PABIR3: variants seen among roughly 807,000 people sequenced by gnomAD.
PABIR3 encodes PABIR family member 3.
Under a neutral mutation model 23.1 loss-of-function variants are expected in PABIR3, and 20 were observed. The ratio of observed to expected loss-of-function variants is 0.86; its 90% CI spans 0.61 to 1.26. The LOEUF is 1.26. Ranked by LOEUF, PABIR3 falls within the 50% of genes most tolerant of loss-of-function variation. PABIR3 has a pLI of 0.00. For missense variants in PABIR3, 189 were observed against 195.4 expected (o/e 0.97, Z 0.20); for synonymous variants, 69 against 68.5 (o/e 1.01, Z -0.04).
the PABIR3 span, among the ~76,000 whole-genome samples, chrX:134,862,116 G>A: frequency 1.7e-3 from 152 of 90,706 alleles, no homozygotes; most frequent in Non-Finnish European, 2.5e-3. Context: ...ATGGGATCTC[G>A]TTTTTGTTTT....
chrX:134,821,296 T>G, intron 3 of PABIR3: 1 of 1,109,489 alleles, frequency 9.0e-7, no homozygotes, highest in Non-Finnish European at 1.2e-6. Context: ...TTTGTTTAAT[T>G]AAGTGCAAAT....
At chrX:134,843,317 G>A (rs1260219497) in intron 4 of PABIR3, among the ~76,000 whole-genome samples, 2 of 110,233 alleles carry the variant, frequency 1.8e-5, no homozygotes, top group Non-Finnish European at 3.8e-5. Flanking sequence ...GTGTCATGAA[G>A]ATTTAACCTT....
At chrX:134,810,828 A>G in intron 2 of PABIR3, 5 of 753,878 alleles carry the variant, frequency 6.6e-6, no homozygotes, top group Non-Finnish European at 7.8e-6. Flanking sequence ...TTAAAGATAT[A>G]GAAACCACAA....
chrX:134,816,383 CG>C (rs1206883471), intron 3 of PABIR3, among the ~76,000 whole-genome samples: 1 of 112,458 alleles, frequency 8.9e-6, no homozygotes, highest in Non-Finnish European at 1.9e-5. Context: ...TGCAGTGGCA[CG>C]ATCTTGGCTC....
intron 1 of PABIR3, among the ~76,000 whole-genome samples, chrX:134,800,171 G>C (rs1428686048): frequency 9.3e-6 from 1 of 108,030 alleles, no homozygotes; most frequent in Non-Finnish European, 1.9e-5. Flanking sequence ...CATGGTGGCA[G>C]GTGCTTGTAG....
intron 3 of PABIR3, among the ~76,000 whole-genome samples, chrX:134,826,022 G>A (rs7054690): frequency 9.1e-6 from 1 of 109,712 alleles, no homozygotes; most frequent in Admixed American, 9.9e-5. Flanking sequence ...ACCAGGCTCA[G>A]GGCTGATGAT....
downstream of PABIR3, among the ~76,000 whole-genome samples, chrX:134,856,161 A>G (rs1024606538): frequency 5.5e-5 from 6 of 108,783 alleles, no homozygotes; most frequent in East Asian, 1.7e-3. Context: ...TTCTCAACTC[A>G]GACAATTCCT....
chrX:134,837,564 A>T (rs2082012367), intron 4 of PABIR3, among the ~76,000 whole-genome samples: 1 of 111,970 alleles, frequency 8.9e-6, no homozygotes, highest in African/African-American at 3.2e-5. Flanking sequence ...AATTCTCCTT[A>T]AACTAGGTTT....
chrX:134,858,082 G>A (rs1284608168), downstream of PABIR3, among the ~76,000 whole-genome samples: 8 of 111,442 alleles, frequency 7.2e-5, no homozygotes, highest in Non-Finnish European at 1.1e-4. Context: ...AGGATATAAA[G>A]ATAATACTGA....
upstream of PABIR3, among the ~76,000 whole-genome samples, chrX:134,806,861 G>C (rs2080266929): frequency 9.6e-6 from 1 of 103,787 alleles, no homozygotes; most frequent in Non-Finnish European, 2.0e-5. Context: ...ATGGAAAAAT[G>C]CATCATAGGA....
At chrX:134,798,547 C>T (rs749461212) in intron 1 of PABIR3, among the ~76,000 whole-genome samples, 1 of 112,133 alleles carries the variant, frequency 8.9e-6, no homozygotes, top group Non-Finnish European at 1.9e-5. Flanking sequence ...ATCCCACCAC[C>T]GTAACACCCC....
intron 1 of PABIR3, among the ~76,000 whole-genome samples, chrX:134,798,371 G>A (rs1414702883): frequency 8.9e-6 from 1 of 112,168 alleles, no homozygotes; most frequent in Non-Finnish European, 1.9e-5. Context: ...GGGGCTGGAG[G>A]GAAGTTTTAT....
chrX:134,826,367 C>T (rs1013189479), intron 3 of PABIR3, among the ~76,000 whole-genome samples: 8 of 111,429 alleles, frequency 7.2e-5, no homozygotes, highest in African/African-American at 2.6e-4. Context: ...CTCCCAGCCC[C>T]TACACACACC....
intron 1 of PABIR3, among the ~76,000 whole-genome samples, chrX:134,798,267 A>G (rs1013923066): frequency 1.8e-5 from 2 of 112,678 alleles, no homozygotes; most frequent in Admixed American, 9.4e-5. Context: ...AGACAGTCAC[A>G]GGTAACGAAA....
the PABIR3 span, among the ~76,000 whole-genome samples, chrX:134,864,257 T>A: frequency 1.8e-5 from 2 of 110,739 alleles, no homozygotes; most frequent in Non-Finnish European, 3.8e-5. Context: ...ACTCCTGAGC[T>A]CAAGTGATCC....
intron 9 of PABIR3, among the ~76,000 whole-genome samples, chrX:134,851,536 GAAA>G (rs758441936): frequency 2.3e-5 from 2 of 87,872 alleles, no homozygotes; most frequent in African/African-American, 4.1e-5. Flanking sequence ...ACTCTGTCTG[GAAA>G]AAAAAAAAAA....
intron 1 of PABIR3, among the ~76,000 whole-genome samples, chrX:134,801,925 G>A (rs920862077): frequency 9.3e-6 from 1 of 107,944 alleles, no homozygotes; most frequent in East Asian, 2.9e-4. Flanking sequence ...TGAGTCTGAC[G>A]GAATAGAGGA....
Position 134,809,554 on chromosome X carries a change from T to C in PABIR3, c.110+1846T>C, listed in dbSNP as rs1176350554. The C allele has an allele frequency of 4.0e-6, 3 of 751,342 alleles. No individual in the cohort carries two copies. The African/African-American group carries it at 6.9e-5, about 17-fold the overall frequency. The allele number at this position is 751,342 out of a possible 1,213,427, so 61.9% of individuals were successfully genotyped here. A position where few individuals can be genotyped will look rare whatever the true frequency, so the allele number is the denominator to read the frequency against. On this transcript the variant is annotated intron_variant, in intron 2 of 10. Coordinates refer to ENST00000645433, the MANE Select transcript of PABIR3 (RefSeq NM_001388447.1). Reference sequence around the variant, plus strand: ...AGGTTTTCTAGATACCGTAAAAATGTCTGAAAAATGCATTCACTACATATG... The same window carrying C: ...AGGTTTTCTAGATACCGTAAAAATGCCTGAAAAATGCATTCACTACATATG...
At chrX:134,850,637 C>T (rs2082600284) in intron 9 of PABIR3, among the ~76,000 whole-genome samples, 1 of 112,109 alleles carries the variant, frequency 8.9e-6, no homozygotes, top group Admixed American at 9.5e-5. Flanking sequence ...AAATAGTTCT[C>T]CTTTTGAGAC....
Sources: allele counts gnomAD v4.1 joint callset (sites outside exome capture counted in the v4.1 genomes callset), GRCh38; gene constraint gnomAD v4.1.1; transcripts MANE v1.5; gene names NCBI Gene and HGNC (gene_info 2026-07-23, HGNC 2026-07-21).